The following KSR2 variants were observed in gnomAD, a reference collection of about 807,000 sequenced individuals.
KSR2 encodes kinase suppressor of ras 2.
In KSR2, 25 loss-of-function variants were observed where a neutral mutation model predicts 107.8. The observed-to-expected ratio is 0.23, with a 90% CI of 0.17 to 0.32. The LOEUF (loss-of-function observed/expected upper bound fraction) is 0.32, where lower values mean the gene tolerates loss of function less well. Among genes scored for constraint, KSR2 ranks in the 10% least tolerant of loss-of-function variants. The pLI is 1.00. For synonymous variants in KSR2, 480 were observed against 507.0 expected (o/e 0.95, Z 0.71); for missense variants, 887 against 1,268.9 (o/e 0.70, Z 4.57).
rs1871092424 is a variant in KSR2, at chr12:117,465,298, T to A, written c.*1901A>T. ...CTCAGGCAAACATATATAAAATGCCTCCAAGACACACACACGTCGTCAAGC... is the reference window on the plus strand; with the variant it reads ...CTCAGGCAAACATATATAAAATGCCACCAAGACACACACACGTCGTCAAGC... On this transcript the variant is annotated 3_prime_UTR_variant, in exon 20 of 20. Coordinates refer to ENST00000339824, the MANE Select transcript of KSR2 (RefSeq NM_173598.6). The A allele has an allele frequency of 6.6e-6, 1 of 152,004 alleles. No homozygotes were observed. The highest frequency in any genetic ancestry group is 2.4e-5 in the African/African-American group (1 of 41,358). The allele number at this position is 152,004 out of a possible 1,614,324, so 9.4% of individuals were successfully genotyped here. A position where few individuals can be genotyped will look rare whatever the true frequency, so the allele number is the denominator to read the frequency against.
At chr12:117,506,483 C>T (rs999945762) in intron 14 of KSR2, among the ~76,000 whole-genome samples, 7 of 152,138 alleles carry the variant, frequency 4.6e-5, no homozygotes, top group Non-Finnish European at 7.3e-5. Flanking sequence ...GTTTGGTGCA[C>T]GCATGTGACA....
At chr12:117,676,214 C>T (rs1468102747) in intron 4 of KSR2, among the ~76,000 whole-genome samples, 2 of 152,108 alleles carry the variant, frequency 1.3e-5, no homozygotes, top group Non-Finnish European at 2.9e-5. Context: ...TGGCCACAGG[C>T]GATAGCCCTC....
intron 14 of KSR2, among the ~76,000 whole-genome samples, chr12:117,502,792 A>G (rs1468176432): frequency 1.3e-5 from 2 of 152,164 alleles, no homozygotes; most frequent in African/African-American, 4.8e-5. Flanking sequence ...GTAAAAATAA[A>G]ACACCCTGAT....
At chr12:117,792,368 G>A (rs1257923851) in intron 3 of KSR2, among the ~76,000 whole-genome samples, 4 of 151,844 alleles carry the variant, frequency 2.6e-5, no homozygotes, top group Admixed American at 6.6e-5. Flanking sequence ...AAAAGAAGAA[G>A]AAGAAGAATT....
intron 4 of KSR2, among the ~76,000 whole-genome samples, chr12:117,721,856 C>T (rs1429798780): frequency 2.0e-5 from 3 of 152,150 alleles, no homozygotes; most frequent in Non-Finnish European, 4.4e-5. Flanking sequence ...AAAAGACTAA[C>T]ATCGGTAGCC....
At chr12:117,763,431 G>C (rs532383305) in intron 3 of KSR2, among the ~76,000 whole-genome samples, 31 of 152,282 alleles carry the variant, frequency 2.0e-4, no homozygotes, top group African/African-American at 7.5e-4. Flanking sequence ...AGATTCTCAT[G>C]CAACCACGTA....
intron 7 of KSR2, among the ~76,000 whole-genome samples, chr12:117,561,056 A>G (rs1168701369): frequency 6.6e-6 from 1 of 152,230 alleles, no homozygotes; most frequent in East Asian, 1.9e-4. Context: ...ATGGCAAATT[A>G]TGTTGATTTT....
intron 5 of KSR2, among the ~76,000 whole-genome samples, chr12:117,588,420 C>T (rs1200803437): frequency 1.3e-5 from 2 of 152,282 alleles, no homozygotes; most frequent in East Asian, 1.9e-4. Context: ...TGGGGACAAA[C>T]GATACTAGGC....
At chr12:117,550,156 G>A (rs1157247081) in intron 9 of KSR2, among the ~76,000 whole-genome samples, 3 of 152,216 alleles carry the variant, frequency 2.0e-5, no homozygotes, top group African/African-American at 7.2e-5. Context: ...CATTCTGTAG[G>A]AGGGGATGCT....
intron 7 of KSR2, among the ~76,000 whole-genome samples, chr12:117,575,180 A>C (rs967030740): frequency 1.3e-5 from 2 of 152,180 alleles, no homozygotes; most frequent in African/African-American, 4.8e-5. Context: ...CCAGCATAGA[A>C]ACTAGGGAAG....
chr12:117,890,500 A>C (rs1278331422), intron 1 of KSR2, among the ~76,000 whole-genome samples: 1 of 152,206 alleles, frequency 6.6e-6, no homozygotes, highest in Non-Finnish European at 1.5e-5. Context: ...TCCCGAAAAC[A>C]CTGCTTAGAA....
intron 3 of KSR2, among the ~76,000 whole-genome samples, chr12:117,804,337 C>G (rs1267227748): frequency 6.6e-6 from 1 of 152,186 alleles, no homozygotes; most frequent in Non-Finnish European, 1.5e-5. Flanking sequence ...GCCACCGCAC[C>G]CGGCCATTTA....
intron 5 of KSR2, among the ~76,000 whole-genome samples, chr12:117,606,175 A>G (rs1237328873): frequency 6.6e-6 from 1 of 152,124 alleles, no homozygotes; most frequent in Non-Finnish European, 1.5e-5. Flanking sequence ...GTTTAAATAC[A>G]GCATTAAGGC....
intron 4 of KSR2, among the ~76,000 whole-genome samples, chr12:117,744,816 T>C (rs1348702437): frequency 6.6e-6 from 1 of 152,220 alleles, no homozygotes; most frequent in Non-Finnish European, 1.5e-5. Flanking sequence ...TTCTATCAGA[T>C]CCTTTCTCCT....
chr12:117,873,917 T>C (rs75867657), intron 1 of KSR2, among the ~76,000 whole-genome samples: 2,614 of 152,318 alleles, frequency 0.017, 52 homozygotes, highest in African/African-American at 0.044. Context: ...TTAGATACTT[T>C]TATAGCTATT....
chr12:117,889,171 C>G (rs1000223967), intron 1 of KSR2, among the ~76,000 whole-genome samples: 1 of 152,146 alleles, frequency 6.6e-6, no homozygotes, highest in African/African-American at 2.4e-5. Context: ...TGTGCCCCTT[C>G]CGCAGCTCAG....
At chr12:117,620,547 C>T (rs1376550411) in intron 5 of KSR2, among the ~76,000 whole-genome samples, 1 of 152,132 alleles carries the variant, frequency 6.6e-6, no homozygotes, top group Non-Finnish European at 1.5e-5. Flanking sequence ...ACATGCAGCA[C>T]AAATAGTTTG....
At chr12:117,775,680 G>A (rs895660963) in intron 3 of KSR2, among the ~76,000 whole-genome samples, 1 of 152,178 alleles carries the variant, frequency 6.6e-6, no homozygotes. Context: ...CCATGTTTCC[G>A]ATGGGGAAAC....
In KSR2 at chr12:117,761,223, G is replaced by T; in HGVS notation, c.774C>A (p.Val258=). The change falls in exon 4 of 20, where the codon GTC becomes GTA. Residue 258 remains valine, a synonymous_variant. Coordinates refer to ENST00000339824, the MANE Select transcript of KSR2 (RefSeq NM_173598.6). ...LPPSPRQRHA[V]RTPPRTPNIV... is the part of the protein sequence containing the mutation. ...TGTTGGGGGTGCGCGGCGGGGTGCG[G>T]ACCGCGTGCCGCTGCCGGGGCGATG... The T allele has an allele frequency of 6.4e-7, 1 of 1,553,112 alleles. No homozygotes were observed.
Sources: allele counts gnomAD v4.1 joint callset (sites outside exome capture counted in the v4.1 genomes callset), GRCh38; gene constraint gnomAD v4.1.1; transcripts MANE v1.5; gene names NCBI Gene and HGNC (gene_info 2026-07-23, HGNC 2026-07-21).